The following RGS22 variants were observed in gnomAD, a reference collection of about 807,000 sequenced individuals.
RGS22 encodes regulator of G-protein signaling 22.
A neutral mutation model predicts 172.9 loss-of-function variants in RGS22; 148 were observed. The ratio of observed to expected loss-of-function variants is 0.86; its 90% confidence interval spans 0.75 to 0.98. The LOEUF (loss-of-function observed/expected upper bound fraction) is 0.98, where lower values mean the gene tolerates loss of function less well. RGS22 is among the 50% of genes least tolerant of loss of function. The probability of loss-of-function intolerance (pLI) is 0.00; values close to 1 mark genes in which losing one functional copy is unlikely to be tolerated. For synonymous variants in RGS22, 458 were observed against 480.2 expected (o/e 0.95, Z 0.60); for missense variants, 1,347 against 1,440.8 (o/e 0.93, Z 1.05).
intron 26 of RGS22, 115 bp from the exon 27 acceptor site, chr8:99,962,558 G>T (rs1357203188): frequency 1.4e-6 from 2 of 1,417,520 alleles, no homozygotes; most frequent in African/African-American, 2.8e-5. Flanking sequence ...TCCTAAGTTG[G>T]GGGGCAGAAT....
In RGS22 at chr8:100,001,164, G is replaced by A. The variant is rs548614092; in HGVS notation, c.2790+1038C>T. Among the ~76,000 whole-genome samples the A allele has an allele frequency of 2.1e-5, 3 of 143,596 alleles. No individual in the cohort carries two copies. The South Asian group carries it at 6.6e-4, about 31-fold the overall frequency. 94.2% of individuals were successfully genotyped at this position (143,596 alleles called of 152,430 possible). ...AATTGCATCATATTTCATGAGCAGT[G>A]TTACATGAACACAAACCTACCGCTG... On this transcript the variant is annotated intron_variant, in intron 18 of 27. Coordinates refer to ENST00000360863, the MANE Select transcript of RGS22 (RefSeq NM_015668.5).
chr8:100,032,778 C>T (rs1818977428), intron 14 of RGS22, among the ~76,000 whole-genome samples: 1 of 152,178 alleles, frequency 6.6e-6, no homozygotes, highest in African/African-American at 2.4e-5. Context: ...TAAAACACTC[C>T]TCAGCAAATG....
intron 3 of RGS22, among the ~76,000 whole-genome samples, chr8:100,083,885 C>T (rs112148267): frequency 0.025 from 3,570 of 142,290 alleles, 64 homozygotes; most frequent in Middle Eastern, 0.074. Context: ...CTTGCTCTGT[C>T]GCCAGGCTGG....
intron 2 of RGS22, among the ~76,000 whole-genome samples, chr8:100,097,780 C>T (rs147196467): frequency 3.2e-3 from 485 of 152,270 alleles, no homozygotes; most frequent in Middle Eastern, 6.8e-3. Flanking sequence ...CTCGGTTCAC[C>T]GTACTGTCCA....
In RGS22 at chr8:100,072,188, T is replaced by C; in HGVS notation, c.382A>G (p.Arg128Gly). 6.2e-7 allele frequency: 1 copy of C among 1,605,492 alleles called. No homozygotes were observed. Among genetic ancestry groups the C allele is most frequent in the Non-Finnish European group, 8.5e-7 (1 of 1,176,406 alleles). Residue 128 changes from arginine to glycine, a missense_variant, in exon 5 of 28, where the codon AGA becomes GGA. Transcript: ENST00000360863. ...TCACTTTCCAGAAATGCTGGAAGTC[T>C]TTCTTTTTTGATCCACTTAATACCT... ...EEGIKWIKKERLPAFLESDCY... is the reference protein window; with the variant it reads ...EEGIKWIKKEGLPAFLESDCY...
chr8:100,030,184 C>A lies in RGS22; in HGVS notation c.2166+8747G>T, dbSNP rs140404483. On this transcript the variant is annotated intron_variant, in intron 14 of 27. Transcript: ENST00000360863. ...GGAAAATTCCTATTGCCTAGTAACA[C>A]TGTAGCACATGTATTACTCACATGT... Among the ~76,000 whole-genome samples, 4 of 152,316 alleles carry A rather than the reference C, an allele frequency of 2.6e-5. No individual in the cohort carries two copies. In the East Asian group the frequency reaches 7.7e-4, roughly 29 times the overall value.
At chr8:100,103,141 T>C (rs74357595) in intron 2 of RGS22, among the ~76,000 whole-genome samples, 2 of 152,268 alleles carry the variant, frequency 1.3e-5, no homozygotes, top group African/African-American at 2.4e-5. Context: ...GTAAGAGTGA[T>C]AGGAGAAGGA....
chr8:99,971,381 A>G (rs528662012), intron 23 of RGS22, among the ~76,000 whole-genome samples: 16 of 152,346 alleles, frequency 1.1e-4, no homozygotes, highest in East Asian at 7.7e-4. Context: ...GGCGAGGGCA[A>G]TCAGGCAAGA....
chr8:100,036,697 C>T (rs1449129401), intron 14 of RGS22, among the ~76,000 whole-genome samples: 5 of 152,138 alleles, frequency 3.3e-5, no homozygotes, highest in Admixed American at 2.6e-4. Flanking sequence ...CTCCTGGGCT[C>T]AAGCGATCCT....
chr8:100,032,670 ATAG>A (rs1818963502), intron 14 of RGS22, among the ~76,000 whole-genome samples: 1 of 152,220 alleles, frequency 6.6e-6, no homozygotes, highest in Non-Finnish European at 1.5e-5. Flanking sequence ...AGTGGACCTA[ATAG>A]ACATCTACAG....
At chr8:100,087,451 G>A (rs1812247042) in intron 3 of RGS22, among the ~76,000 whole-genome samples, 1 of 152,038 alleles carries the variant, frequency 6.6e-6, no homozygotes, top group African/African-American at 2.4e-5. Context: ...AAAAGCAAGT[G>A]CATGAAAATA....
At chr8:100,056,205 T>C (rs1381125409) in intron 9 of RGS22, among the ~76,000 whole-genome samples, 2 of 152,174 alleles carry the variant, frequency 1.3e-5, no homozygotes, top group Admixed American at 1.3e-4. Context: ...CCCAGAGATC[T>C]GTGGAACTTT....
chr8:100,048,220 A>G (rs185157196), intron 10 of RGS22, among the ~76,000 whole-genome samples: 7 of 152,326 alleles, frequency 4.6e-5, no homozygotes, highest in Admixed American at 2.6e-4. Context: ...ACATAAATGT[A>G]ACATTATATA....
chr8:100,050,676 C>G (rs1035875064), intron 10 of RGS22, among the ~76,000 whole-genome samples: 2 of 152,148 alleles, frequency 1.3e-5, no homozygotes, highest in Non-Finnish European at 2.9e-5. Context: ...ACAGTTACTG[C>G]AGCTCTATGC....
chr8:100,005,130 A>AT (rs964733309), intron 16 of RGS22, among the ~76,000 whole-genome samples: 12 of 152,010 alleles, frequency 7.9e-5, no homozygotes, highest in Non-Finnish European at 1.8e-4. Context: ...ACCTTTATGG[A>AT]TTTTTATGTA....
intron 20 of RGS22, among the ~76,000 whole-genome samples, chr8:99,989,045 T>G (rs1417942632): frequency 4.6e-5 from 7 of 152,132 alleles, no homozygotes; most frequent in Non-Finnish European, 2.9e-5. Flanking sequence ...ATGTAATAAT[T>G]ATATAAAAAT....
chr8:100,064,021 T>C lies in RGS22; in HGVS notation c.747A>G (p.Gly249=). 2 of 1,514,474 alleles carry C rather than the reference T, an allele frequency of 1.3e-6. No homozygotes were observed. The highest frequency in any genetic ancestry group is 1.8e-6 in the Non-Finnish European group (2 of 1,136,380). The allele number at this position is 1,514,474 out of a possible 1,614,324, so 93.8% of individuals were successfully genotyped here. Residue 249 remains glycine (G), a synonymous_variant, in exon 8 of 28, where the codon GGA becomes GGG. Transcript: ENST00000360863. ...SVSENFIFDD[G]VHPRTKKDPS... ...GGTCCTTTTTTGTCCTAGGGTGAAC[T>C]CCATCATCAAAGATAAAATTCTCTG...
intron 3 of RGS22, among the ~76,000 whole-genome samples, chr8:100,089,418 C>T (rs529066558): frequency 1.3e-5 from 2 of 152,076 alleles, no homozygotes; most frequent in Admixed American, 6.6e-5. Context: ...TCACAGAATA[C>T]GTTAACCCTT....
rs1226025213 is a variant in RGS22 at position 100,080,349 on chromosome 8, A to G, written c.124T>C (p.Ser42Pro). Residue 42 changes from serine to proline, a missense_variant, in exon 4 of 28, where the codon TCA (serine) becomes CCA (proline). Physicochemically the swap from Ser to Pro is moderately conservative, Grantham distance 74 (BLOSUM62 -1). Transcript: ENST00000360863. ...FNEFLSLPTF[S>P]EAIRFNADYG... Reference sequence around the variant, plus strand: ...TCTGCATTAAATCTAATTGCCTCTGAAAAGGTCTGCAATATAAATTTGTGG... The same window carrying G: ...TCTGCATTAAATCTAATTGCCTCTGGAAAGGTCTGCAATATAAATTTGTGG... 1 of 1,606,198 alleles carries G rather than the reference A, an allele frequency of 6.2e-7. No individual in the cohort carries two copies. The highest frequency in any genetic ancestry group is 1.1e-5 in the South Asian group (1 of 90,364).
Sources: gnomAD v4.1 joint callset for allele counts (sites outside exome capture counted in the v4.1 genomes callset) on GRCh38, gnomAD v4.1.1 for gene constraint, MANE v1.5 for transcripts, NCBI Gene and HGNC (gene_info 2026-07-23, HGNC 2026-07-21) for gene names.